Variants in TGM2 observed in about 807,000 individuals in gnomAD.
TGM2 encodes protein-glutamine gamma-glutamyltransferase 2.
Under a neutral mutation model 75.6 loss-of-function variants are expected in TGM2, and 53 were observed. The observed-to-expected ratio is 0.70, with a 90% CI of 0.56 to 0.88. The LOEUF (loss-of-function observed/expected upper bound fraction) is 0.88, where lower values mean the gene tolerates loss of function less well. Ranked by LOEUF, TGM2 falls within the 40% of genes least tolerant of loss-of-function variation. The pLI is 0.00. For synonymous variants in TGM2, 374 were observed against 381.1 expected, an observed-to-expected ratio of 0.98 and a Z score of 0.22; for missense variants, 842 against 928.5, an observed-to-expected ratio of 0.91 and a Z score of 1.21.
chr20:38,156,172 G>A, intron 2 of TGM2, 83 bp from the exon 3 acceptor site: 1 of 1,526,198 alleles, frequency 6.6e-7, no homozygotes, highest in East Asian at 2.3e-5. Flanking sequence ...CCCCAGCTTG[G>A]GCTCCAGGCC....
Position 38,162,027 on chromosome 20 carries a change from C to T in TGM2, c.11-428G>A, listed in dbSNP as rs142316190. On this transcript the variant is annotated intron_variant, in intron 1 of 12. Coordinates refer to ENST00000361475, the MANE Select transcript of TGM2 (RefSeq NM_004613.4). ...CTTCATTTTTGGTTTTGCCATGTTG[C>T]CCAGGCTGCTCTCGAACTCCTGGGC... 3.9e-5 allele frequency among the ~76,000 whole-genome samples: 6 copies of T among 152,274 alleles called. No individual in the cohort carries two copies. In the South Asian group the frequency reaches 1.0e-3, roughly 26 times the overall value.
chr20:38,146,870 CA>C lies in TGM2; in HGVS notation c.705del (p.Val236CysfsTer53), dbSNP rs753400810. On this transcript the variant is annotated frameshift_variant, in exon 6 of 13. Coordinates refer to ENST00000361475, the MANE Select transcript of TGM2 (RefSeq NM_004613.4). LOFTEE classifies it high-confidence loss of function. ...SGMVNCNDDQ[G>X]VLLGRWDNNY... ...TTGTTGTCCCAGCGTCCCAGCAGCA[CA>C]CCCTGGTCATCGTTGCAGTTGACCT... 22 of 1,613,784 alleles carry C rather than the reference CA, an allele frequency of 1.4e-5. No homozygotes were observed. The highest frequency in any genetic ancestry group is 1.9e-5 in the Non-Finnish European group (22 of 1,180,042).
At chr20:38,145,622 G>T (rs1664413296) in intron 6 of TGM2, 1 of 151,982 alleles carries the variant, frequency 6.6e-6, no homozygotes. Context: ...CAGTATAAAG[G>T]TACTACCGTT....
chr20:38,139,449 C>T lies in TGM2; in HGVS notation c.1305G>A (p.Glu435=). 1 of 1,614,200 alleles carries T rather than the reference C, an allele frequency of 6.2e-7. No individual in the cohort carries two copies. The highest frequency in any genetic ancestry group is 1.1e-5 in the South Asian group (1 of 91,084). ...KISTKSVGRD[E]REDITHTYKY... ...TGTAGGTGTGGGTGATATCCTCCCG[C>T]TCGTCTCGGCCCACGCTCTTAGTGC... Residue 435 remains glutamate (E), a synonymous_variant, in exon 9 of 13, where the codon GAG becomes GAA. Coordinates refer to ENST00000361475, the MANE Select transcript of TGM2 (RefSeq NM_004613.4).
intron 2 of TGM2, 24 bp from the exon 3 acceptor site, chr20:38,156,113 G>A (rs377083061): frequency 2.1e-5 from 33 of 1,607,714 alleles, no homozygotes; most frequent in African/African-American, 9.3e-5. Flanking sequence ...AGCAGTAGCC[G>A]TGAGCTAGGG....
chr20:38,138,453 G>A, intron 9 of TGM2, 68 bp from the exon 10 acceptor site: 1 of 1,609,246 alleles, frequency 6.2e-7, no homozygotes, highest in Non-Finnish European at 8.5e-7. Context: ...CTGCAACAGG[G>A]CGAGCTGTCT....
chr20:38,132,422 G>A lies in TGM2; in HGVS notation c.1694C>T (p.Ala565Val). ...GTTGATAACTGGCTCCACGAGGAGG[G>A]CCCGCACCTTGATGAGGTTGGACTC... ...LTESNLIKVR[A>V]LLVEPVINSY... The change falls in exon 11 of 13, where the codon GCC becomes GTC. Residue 565 changes from alanine to valine, a missense_variant. Transcript: ENST00000361475. The A allele has an allele frequency of 6.2e-7, 1 of 1,614,176 alleles. No individual in the cohort carries two copies.
Position 38,138,129 on chromosome 20 carries a change from G to A in TGM2, c.1599C>T (p.Asn533=). Residue 533 remains asparagine, a synonymous_variant, in exon 10 of 13, where the codon AAC becomes AAT. Transcript: ENST00000361475. ...GGGCTTTACCAGAGAAAGGCTCCAGGTTGAGGTTGAGCAGGTACTTGGTGC... is the reference window on the plus strand; with the variant it reads ...GGGCTTTACCAGAGAAAGGCTCCAGATTGAGGTTGAGCAGGTACTTGGTGC... ...ECGTKYLLNL[N]LEPFSEKSVP... is the part of the protein sequence containing the mutation. 6 of 1,595,854 alleles carry A rather than the reference G, an allele frequency of 3.8e-6. No individual in the cohort carries two copies. Among genetic ancestry groups the A allele is most frequent in the Non-Finnish European group, 5.1e-6 (6 of 1,171,106 alleles).
chr20:38,159,973 A>G lies in TGM2; in HGVS notation c.190+1447T>C, dbSNP rs45596241. ...TCACTTCGTAAAGGGGGAAACTGAG[A>G]CTGGAGGGTCAGAGACTTGCTGGGG... On this transcript the variant is annotated intron_variant, in intron 2 of 12. Transcript: ENST00000361475. Among the ~76,000 whole-genome samples, 1,368 of 152,288 alleles carry G rather than the reference A, an allele frequency of 9.0e-3. 27 individuals are homozygous for G. Among genetic ancestry groups the G allele is most frequent in the African/African-American group, 0.031 (1,307 of 41,558 alleles).
rs1479831373 is a variant in TGM2 at position 38,130,160 on chromosome 20, C to A, written c.*59G>T. ...AGAAGGGGCATATTTTGCTCACTAG[C>A]TTGGGATAAGGATTGGGATCAAGGT... On this transcript the variant is annotated 3_prime_UTR_variant, in exon 13 of 13. Transcript: ENST00000361475. The A allele has an allele frequency of 8.1e-6, 13 of 1,607,182 alleles. No homozygotes were observed. The highest frequency in any genetic ancestry group is 1.1e-5 in the Non-Finnish European group (13 of 1,177,766).
chr20:38,148,646 T>TC (rs1461077872), intron 4 of TGM2, among the ~76,000 whole-genome samples: 9 of 152,162 alleles, frequency 5.9e-5, no homozygotes, highest in Admixed American at 5.9e-4. Flanking sequence ...CGTGCAAACT[T>TC]CAAGGCCCTT....
At chr20:38,157,110 C>T (rs1393627010) in intron 2 of TGM2, among the ~76,000 whole-genome samples, 1 of 152,170 alleles carries the variant, frequency 6.6e-6, no homozygotes, top group Non-Finnish European at 1.5e-5. Flanking sequence ...CCTGGCTGGG[C>T]GGGTGCCCAG....
intron 1 of TGM2, among the ~76,000 whole-genome samples, chr20:38,162,983 T>C (rs1379227945): frequency 1.3e-5 from 2 of 152,184 alleles, no homozygotes; most frequent in African/African-American, 4.8e-5. Context: ...TGGATAAGTG[T>C]CTCTCCCTCT....
chr20:38,163,334 G>A (rs1172518161), intron 1 of TGM2, among the ~76,000 whole-genome samples: 1 of 152,220 alleles, frequency 6.6e-6, no homozygotes, highest in Non-Finnish European at 1.5e-5. Flanking sequence ...CACGCCGCAA[G>A]TTGGTCCTTG....
intron 6 of TGM2, among the ~76,000 whole-genome samples, chr20:38,144,438 C>T (rs535171119): frequency 1.3e-5 from 2 of 152,158 alleles, no homozygotes; most frequent in Admixed American, 6.5e-5. Flanking sequence ...GTGCCCGTTA[C>T]GGCAAACGTC....
chr20:38,147,258 C>T (rs1177492748), intron 5 of TGM2, among the ~76,000 whole-genome samples: 2 of 152,056 alleles, frequency 1.3e-5, no homozygotes, highest in Non-Finnish European at 2.9e-5. Flanking sequence ...TCCCCCTAAA[C>T]TCCCATTACC....
intron 5 of TGM2, among the ~76,000 whole-genome samples, chr20:38,147,341 C>CAA (rs2122910950): frequency 6.6e-6 from 1 of 152,246 alleles, no homozygotes; most frequent in African/African-American, 2.4e-5. Context: ...ACCTCTGCAG[C>CAA]TTCCTCTGCA....
chr20:38,149,432 C>G (rs1182840121), intron 4 of TGM2, among the ~76,000 whole-genome samples: 1 of 152,132 alleles, frequency 6.6e-6, no homozygotes, highest in Non-Finnish European at 1.5e-5. Flanking sequence ...AATCCCAGCA[C>G]TTTGGGAGGC....
At chr20:38,133,962 T>C (rs572761838) in intron 10 of TGM2, among the ~76,000 whole-genome samples, 44 of 152,182 alleles carry the variant, frequency 2.9e-4, no homozygotes, top group Middle Eastern at 3.4e-3. Context: ...AACAAAGTCA[T>C]GCATATTCAA....
Sources: gnomAD v4.1 joint callset for allele counts (sites outside exome capture counted in the v4.1 genomes callset) on GRCh38, gnomAD v4.1.1 for gene constraint, MANE v1.5 for transcripts, NCBI Gene and HGNC (gene_info 2026-07-23, HGNC 2026-07-21) for gene names.